The following CCDC91 variants were observed in gnomAD, a reference collection of about 807,000 sequenced individuals.
The protein encoded by CCDC91 is coiled-coil domain containing 91.
A neutral mutation model predicts 63.2 loss-of-function variants in CCDC91; 48 were observed. The ratio of observed to expected loss-of-function variants is 0.76; its 90% CI spans 0.60 to 0.97. The LOEUF (loss-of-function observed/expected upper bound fraction) is 0.97, where lower values mean the gene tolerates loss of function less well. Ranked by LOEUF, CCDC91 falls within the 50% of genes least tolerant of loss-of-function variation. The probability of loss-of-function intolerance (pLI) is 0.00; values close to 1 mark genes in which losing one functional copy is unlikely to be tolerated. For synonymous variants in CCDC91, 167 were observed against 165.8 expected (o/e 1.01, Z -0.06); for missense variants, 500 against 494.6 (o/e 1.01, Z -0.10).
At chr12:28,271,072 G>GAGA (rs1947738412) in intron 3 of CCDC91, among the ~76,000 whole-genome samples, 1 of 152,114 alleles carries the variant, frequency 6.6e-6, no homozygotes, top group South Asian at 2.1e-4. Context: ...TAAAGGGATA[G>GAGA]AGAGAGTGAG....
chr12:28,327,838 G>T (rs1941154977), intron 6 of CCDC91, among the ~76,000 whole-genome samples: 1 of 152,104 alleles, frequency 6.6e-6, no homozygotes, highest in Admixed American at 6.6e-5. Flanking sequence ...GAGGCCAAGT[G>T]AGCTGCCATG....
intron 1 of CCDC91, among the ~76,000 whole-genome samples, chr12:28,224,849 G>A (rs556248120): frequency 6.6e-5 from 10 of 152,248 alleles, no homozygotes; most frequent in Admixed American, 4.6e-4. Flanking sequence ...ATTGGCTAGC[G>A]CAGAATTACA....
rs545405666 is a variant in CCDC91, at chr12:28,289,155, A to ATT, written c.110-16483_110-16482dup. 9.0e-5 allele frequency among the ~76,000 whole-genome samples: 13 copies of ATT among 143,764 alleles called. No individual in the cohort carries two copies. The East Asian group carries it at 1.6e-3, about 18-fold the overall frequency. 94.3% of individuals were successfully genotyped at this position (143,764 alleles called of 152,430 possible). A position where few individuals can be genotyped will look rare whatever the true frequency, so the allele number is the denominator to read the frequency against. ...ACTGTTGGATTCGTTGATCTTTTGA[A>ATT]TTTTTTTTTTTTGTCCCAGTCTCCT... On this transcript the variant is annotated intron_variant, in intron 3 of 12. Coordinates refer to ENST00000536442, the MANE Select transcript of CCDC91 (RefSeq NM_018318.5).
intron 1 of CCDC91, among the ~76,000 whole-genome samples, chr12:28,218,781 G>T (rs1218178131): frequency 2.0e-5 from 3 of 151,732 alleles, no homozygotes; most frequent in Non-Finnish European, 4.4e-5. Context: ...TTGGTGTAAT[G>T]AAGATTCTTT....
At chr12:28,313,067 T>C (rs149805639) in intron 6 of CCDC91, among the ~76,000 whole-genome samples, 1 of 152,178 alleles carries the variant, frequency 6.6e-6, no homozygotes, top group East Asian at 1.9e-4. Flanking sequence ...TAATTGAATC[T>C]TATTTATGAC....
intron 6 of CCDC91, among the ~76,000 whole-genome samples, chr12:28,353,885 G>A (rs1297399163): frequency 6.6e-6 from 1 of 152,078 alleles, no homozygotes; most frequent in Admixed American, 6.6e-5. Context: ...CACACATTGG[G>A]GCCAATTGGA....
At chr12:28,361,760 A>T (rs1943903598) in intron 6 of CCDC91, among the ~76,000 whole-genome samples, 1 of 149,238 alleles carries the variant, frequency 6.7e-6, no homozygotes, top group Non-Finnish European at 1.5e-5. Context: ...TGTTTTTTGG[A>T]TGTGTTAGGA....
At chr12:28,504,198 A>C (rs1213085058) in intron 12 of CCDC91, among the ~76,000 whole-genome samples, 1 of 151,918 alleles carries the variant, frequency 6.6e-6, no homozygotes, top group Non-Finnish European at 1.5e-5. Flanking sequence ...GAATTTAATG[A>C]AATTTGTAAT....
At chr12:28,245,538 A>C (rs1223326769) in intron 1 of CCDC91, among the ~76,000 whole-genome samples, 1 of 152,156 alleles carries the variant, frequency 6.6e-6, no homozygotes, top group African/African-American at 2.4e-5. Context: ...GCCTTAAATA[A>C]AGTGGAAACA....
intron 3 of CCDC91, among the ~76,000 whole-genome samples, chr12:28,261,771 G>C (rs891318947): frequency 6.6e-6 from 1 of 151,866 alleles, no homozygotes; most frequent in African/African-American, 2.4e-5. Context: ...CTGTGTATTA[G>C]TGGGTCAAGT....
chr12:28,533,312 C>G (rs1592980605), intron 12 of CCDC91, among the ~76,000 whole-genome samples: 3 of 152,112 alleles, frequency 2.0e-5, no homozygotes. Context: ...TATTCACAGT[C>G]AAAACCAGAC....
At chr12:28,222,020 GTT>G (rs1193914167) in intron 1 of CCDC91, among the ~76,000 whole-genome samples, 1 of 152,090 alleles carries the variant, frequency 6.6e-6, no homozygotes, top group Non-Finnish European at 1.5e-5. Context: ...TTATAACTTT[GTT>G]TCGTTTCTTT....
chr12:28,381,756 C>T (rs1183229919), intron 7 of CCDC91, among the ~76,000 whole-genome samples: 1 of 152,104 alleles, frequency 6.6e-6, no homozygotes, highest in Non-Finnish European at 1.5e-5. Context: ...GTTGTTAAAT[C>T]AGCAAGCACT....
intron 6 of CCDC91, among the ~76,000 whole-genome samples, chr12:28,361,158 T>TTTTTTAAA (rs1291229642): frequency 6.6e-6 from 1 of 151,612 alleles, no homozygotes; most frequent in South Asian, 2.1e-4. Context: ...ATTTATCATC[T>TTTTTTAAA]TTTTTAAATT....
intron 6 of CCDC91, among the ~76,000 whole-genome samples, chr12:28,334,065 T>C (rs986015066): frequency 1.6e-4 from 24 of 152,016 alleles, no homozygotes; most frequent in African/African-American, 5.8e-4. Context: ...TGTGTGTATG[T>C]GTATGTGTAT....
chr12:28,432,499 C>A (rs1228709200), intron 8 of CCDC91, among the ~76,000 whole-genome samples: 6 of 152,068 alleles, frequency 3.9e-5, no homozygotes, highest in African/African-American at 1.4e-4. Flanking sequence ...TTGCTTGCTT[C>A]CCCTTCCACC....
chr12:28,460,309 T>C (rs1312723347), intron 11 of CCDC91, among the ~76,000 whole-genome samples: 4 of 152,162 alleles, frequency 2.6e-5, no homozygotes, highest in Non-Finnish European at 5.9e-5. Context: ...CGTTCTCTCA[T>C]ATGAGACTGT....
chr12:28,512,272 T>G (rs1422959813), intron 12 of CCDC91, among the ~76,000 whole-genome samples: 2 of 151,844 alleles, frequency 1.3e-5, no homozygotes, highest in Admixed American at 1.3e-4. Context: ...TTTCATCAGT[T>G]TTTTTTCCCC....
chr12:28,341,265 T>C (rs970571319), intron 6 of CCDC91, among the ~76,000 whole-genome samples: 2 of 152,118 alleles, frequency 1.3e-5, no homozygotes, highest in African/African-American at 4.8e-5. Context: ...CAGGGTGGTC[T>C]TGGGAGATGC....
Sources: allele counts gnomAD v4.1 joint callset (sites outside exome capture counted in the v4.1 genomes callset), GRCh38; gene constraint gnomAD v4.1.1; transcripts MANE v1.5; gene names NCBI Gene and HGNC (gene_info 2026-07-23, HGNC 2026-07-21).